ERBB4: variants seen among roughly 807,000 people sequenced by gnomAD.
ERBB4 encodes receptor tyrosine-protein kinase erbB-4.
A neutral mutation model predicts 158.0 loss-of-function variants in ERBB4; 42 were observed. That is an observed-to-expected ratio of 0.27 (90% confidence interval 0.21 to 0.34). The LOEUF (loss-of-function observed/expected upper bound fraction) is 0.34, where lower values mean the gene tolerates loss of function less well. Among genes scored for constraint, ERBB4 ranks in the 10% least tolerant of loss-of-function variants. ERBB4 has a pLI of 1.00. For synonymous variants in ERBB4, 583 were observed against 558.7 expected (o/e 1.04, Z -0.61); for missense variants, 1,333 against 1,624.1 (o/e 0.82, Z 3.08).
chr2:211,935,923 A>G (rs1352080443), intron 3 of ERBB4, among the ~76,000 whole-genome samples: 1 of 152,140 alleles, frequency 6.6e-6, no homozygotes, highest in Non-Finnish European at 1.5e-5. Context: ...TAACAATAGT[A>G]TCTCTATCCT....
chr2:211,864,872 G>T (rs1275420881), intron 3 of ERBB4, among the ~76,000 whole-genome samples: 1 of 152,064 alleles, frequency 6.6e-6, no homozygotes, highest in Non-Finnish European at 1.5e-5. Context: ...TTAGCTGAGC[G>T]TGGTGGTGGG....
At chr2:212,237,219 A>G (rs2083913077) in intron 1 of ERBB4, among the ~76,000 whole-genome samples, 1 of 152,042 alleles carries the variant, frequency 6.6e-6, no homozygotes. Context: ...GGATTTATCT[A>G]CCTTTGGTCT....
chr2:212,135,134 T>A (rs1432093601), intron 1 of ERBB4, among the ~76,000 whole-genome samples: 2 of 152,190 alleles, frequency 1.3e-5, no homozygotes, highest in Non-Finnish European at 2.9e-5. Context: ...TATATACTCC[T>A]ATCTGCTGAT....
At chr2:212,342,546 A>G (rs565435401) in intron 1 of ERBB4, among the ~76,000 whole-genome samples, 85 of 152,236 alleles carry the variant, frequency 5.6e-4, no homozygotes, top group African/African-American at 2.0e-3. Context: ...ATTCCTTCAT[A>G]GCAGTATGAA....
At chr2:212,348,721 A>T (rs992961132) in intron 1 of ERBB4, among the ~76,000 whole-genome samples, 13 of 152,146 alleles carry the variant, frequency 8.5e-5, no homozygotes, top group African/African-American at 3.1e-4. Flanking sequence ...CTGACAGTCT[A>T]TGTTTTCCTT....
At chr2:211,444,107 G>T (rs1233886882) in intron 20 of ERBB4, among the ~76,000 whole-genome samples, 4 of 149,966 alleles carry the variant, frequency 2.7e-5, no homozygotes, top group Non-Finnish European at 3.0e-5. Flanking sequence ...AGTTTGTGGG[G>T]TTTTTTTTGT....
chr2:211,978,407 T>C lies in ERBB4; in HGVS notation c.235-30791A>G, dbSNP rs569334291. Among the ~76,000 whole-genome samples the C allele has an allele frequency of 3.4e-4, 52 of 151,056 alleles. 2 individuals carry two copies. In the East Asian group the frequency reaches 9.7e-3, roughly 28 times the overall value. On this transcript the variant is annotated intron_variant, in intron 2 of 27. Transcript: ENST00000342788. ...CTGTCTGTCTGTCTGTCTATCTATCTATCTATCTATCTATCTATCTATCTA... is the reference window on the plus strand; with the variant it reads ...CTGTCTGTCTGTCTGTCTATCTATCCATCTATCTATCTATCTATCTATCTA...
rs1237747616 is a variant in ERBB4 at position 212,143,784 on chromosome 2, G to A, written c.83-18881C>T. 4.6e-5 allele frequency among the ~76,000 whole-genome samples: 7 copies of A among 152,130 alleles called. No homozygotes were observed. The East Asian group carries it at 5.8e-4, about 13-fold the overall frequency. On this transcript the variant is annotated intron_variant, in intron 1 of 27. Transcript: ENST00000342788. ...TGTAATCCCAGCACTTTGAGAGGCC[G>A]AGGCGGGCGGATCACAAGGTCAGGA...
intron 12 of ERBB4, among the ~76,000 whole-genome samples, chr2:211,699,442 T>G (rs186040911): frequency 5.9e-5 from 9 of 152,270 alleles, no homozygotes; most frequent in Middle Eastern, 3.4e-3. Flanking sequence ...ATTGTAAACA[T>G]CAGCAGCATC....
At chr2:212,186,578 A>C (rs2082022526) in intron 1 of ERBB4, among the ~76,000 whole-genome samples, 1 of 152,024 alleles carries the variant, frequency 6.6e-6, no homozygotes, top group African/African-American at 2.4e-5. Flanking sequence ...CAACCTACCC[A>C]CCCTGGAGCA....
intron 1 of ERBB4, among the ~76,000 whole-genome samples, chr2:212,249,040 C>T (rs1194523949): frequency 1.3e-5 from 2 of 152,034 alleles, no homozygotes; most frequent in East Asian, 1.9e-4. Flanking sequence ...GTAATTATAT[C>T]GTTTCTAATT....
rs367551237 is a variant in ERBB4, at chr2:212,287,685, G to T, written c.83-162782C>A. ...TAATATGAAAAAAAATAACTGCTTT[G>T]AACCTTTTCTGTCACAATTCCAGAA... On this transcript the variant is annotated intron_variant, in intron 1 of 27. Coordinates refer to ENST00000342788, the MANE Select transcript of ERBB4 (RefSeq NM_005235.3). 1.4e-4 allele frequency among the ~76,000 whole-genome samples: 21 copies of T among 152,174 alleles called. No individual in the cohort carries two copies. In the East Asian group the frequency reaches 3.3e-3, roughly 24 times the overall value.
chr2:211,601,466 C>T (rs755661081), intron 19 of ERBB4, among the ~76,000 whole-genome samples: 25 of 151,650 alleles, frequency 1.6e-4, no homozygotes, highest in Non-Finnish European at 2.9e-4. Context: ...TCAAAGCATC[C>T]CTCAAGAGCT....
chr2:211,422,271 A>G (rs1012724279), intron 23 of ERBB4, among the ~76,000 whole-genome samples, 167 bp from the exon 24 acceptor site: 29 of 151,988 alleles, frequency 1.9e-4, no homozygotes, highest in Non-Finnish European at 3.8e-4. Context: ...GTAAGGCTTT[A>G]TCGGTCTCTT....
At chr2:211,563,108 A>G (rs2067451164) in intron 19 of ERBB4, among the ~76,000 whole-genome samples, 1 of 152,168 alleles carries the variant, frequency 6.6e-6, no homozygotes, top group Non-Finnish European at 1.5e-5. Context: ...TAAAGGCACC[A>G]CTGCTTAATG....
chr2:212,150,400 T>C (rs907575352), intron 1 of ERBB4, among the ~76,000 whole-genome samples: 1 of 152,190 alleles, frequency 6.6e-6, no homozygotes, highest in African/African-American at 2.4e-5. Flanking sequence ...TTCAGAATAA[T>C]TTCATTTTCC....
chr2:211,423,419 C>A (rs547718801), intron 23 of ERBB4, among the ~76,000 whole-genome samples: 30 of 151,972 alleles, frequency 2.0e-4, no homozygotes, highest in Non-Finnish European at 4.1e-4. Flanking sequence ...AAGGGGAAAG[C>A]CTTAGATTAT....
At chr2:211,529,072 TG>T (rs2125657104) in intron 20 of ERBB4, among the ~76,000 whole-genome samples, 2 of 150,992 alleles carry the variant, frequency 1.3e-5, no homozygotes, top group South Asian at 4.2e-4. Flanking sequence ...TGGGTTTTTT[TG>T]AAACAATAAA....
intron 2 of ERBB4, among the ~76,000 whole-genome samples, chr2:212,043,870 A>C (rs144015420): frequency 2.0e-5 from 3 of 152,264 alleles, no homozygotes; most frequent in Non-Finnish European, 4.4e-5. Flanking sequence ...GAAAAATTTA[A>C]TGTAAAGCAC....
Sources: allele counts gnomAD v4.1 joint callset (sites outside exome capture counted in the v4.1 genomes callset), GRCh38; gene constraint gnomAD v4.1.1; transcripts MANE v1.5; gene names NCBI Gene and HGNC (gene_info 2026-07-23, HGNC 2026-07-21).